RFC1: variants seen among roughly 807,000 people sequenced by gnomAD.
RFC1 encodes the protein A1 140 kDa subunit.
RFC1 carries 37 observed loss-of-function variants against 137.4 expected under a neutral mutation model. That is an observed-to-expected ratio of 0.27 (90% CI 0.21 to 0.35). The LOEUF (loss-of-function observed/expected upper bound fraction) is 0.35, where lower values mean the gene tolerates loss of function less well. Among genes scored for constraint, RFC1 ranks in the 10% least tolerant of loss-of-function variants. The pLI, the probability that RFC1 is intolerant of heterozygous loss-of-function variation, is 1.00. For synonymous variants in RFC1, 429 were observed against 455.7 expected (o/e 0.94, Z 0.75); for missense variants, 1,205 against 1,358.5 (o/e 0.89, Z 1.78).
At chr4:39,304,260 G>A (rs950033245) in intron 15 of RFC1, among the ~76,000 whole-genome samples, 7 of 152,160 alleles carry the variant, frequency 4.6e-5, no homozygotes, top group African/African-American at 1.2e-4. Flanking sequence ...GCTACAACCT[G>A]AAACACAGTG....
At chr4:39,319,071 C>A (rs1739389581) in intron 9 of RFC1, among the ~76,000 whole-genome samples, 1 of 152,000 alleles carries the variant, frequency 6.6e-6, no homozygotes, top group Admixed American at 6.5e-5. Context: ...CACTGTTGTA[C>A]AAGAATAAAA....
intron 8 of RFC1, among the ~76,000 whole-genome samples, chr4:39,321,055 G>T (rs973631484): frequency 6.6e-6 from 1 of 152,180 alleles, no homozygotes; most frequent in Non-Finnish European, 1.5e-5. Flanking sequence ...TTAACAAGAA[G>T]CCAGGAGTTT....
chr4:39,289,547 TACAA>T (rs1737552918), intron 24 of RFC1: 1 of 269,464 alleles, frequency 3.7e-6, no homozygotes, highest in East Asian at 8.4e-5. Flanking sequence ...ACTGTTTTGT[TACAA>T]ACATTTTTCT....
intron 1 of RFC1, among the ~76,000 whole-genome samples, chr4:39,363,305 C>T (rs1741849625): frequency 6.6e-6 from 1 of 152,026 alleles, no homozygotes; most frequent in Non-Finnish European, 1.5e-5. Flanking sequence ...GTTCAAATTT[C>T]GAAAGGGTAA....
chr4:39,308,434 C>A (rs988475655), intron 13 of RFC1, among the ~76,000 whole-genome samples: 1 of 152,160 alleles, frequency 6.6e-6, no homozygotes. Context: ...ATGCCTCCCC[C>A]ACTGCCTGTG....
intron 3 of RFC1, among the ~76,000 whole-genome samples, chr4:39,344,667 G>T (rs1233338741): frequency 6.6e-6 from 1 of 152,130 alleles, no homozygotes; most frequent in Non-Finnish European, 1.5e-5. Context: ...CACGCCTGTG[G>T]TTCCAGCTAC....
chr4:39,326,883 T>G (rs1431912780), intron 5 of RFC1, among the ~76,000 whole-genome samples: 1 of 152,130 alleles, frequency 6.6e-6, no homozygotes, highest in Non-Finnish European at 1.5e-5. Context: ...TCAAGAGAAG[T>G]ACCAAAAATA....
chr4:39,344,004 C>T (rs945303268), intron 3 of RFC1, among the ~76,000 whole-genome samples: 1 of 151,944 alleles, frequency 6.6e-6, no homozygotes, highest in African/African-American at 2.4e-5. Flanking sequence ...ATCCCAGCTA[C>T]CTGGGAGGCT....
chr4:39,363,254 T>C (rs1741846898), intron 1 of RFC1, among the ~76,000 whole-genome samples: 1 of 152,194 alleles, frequency 6.6e-6, no homozygotes. Context: ...ATGGCTTCTT[T>C]ATTTCTTTTA....
chr4:39,302,232 G>C (rs1019504981), intron 19 of RFC1, 46 bp downstream of exon 19: 9 of 1,160,172 alleles, frequency 7.8e-6, no homozygotes, highest in African/African-American at 1.5e-5. Context: ...AGAACAAGAA[G>C]TGTTTTGGCT....
chr4:39,296,999 G>A (rs1177965488), intron 21 of RFC1, among the ~76,000 whole-genome samples: 1 of 151,396 alleles, frequency 6.6e-6, no homozygotes, highest in African/African-American at 2.4e-5. Flanking sequence ...TTCTCTGATG[G>A]CCAGTGATGA....
At chr4:39,336,068 G>A (rs1740337807) in intron 4 of RFC1, among the ~76,000 whole-genome samples, 1 of 151,964 alleles carries the variant, frequency 6.6e-6, no homozygotes, top group Non-Finnish European at 1.5e-5. Flanking sequence ...ATTATTTACT[G>A]TGCCCTTTTC....
In RFC1 at chr4:39,320,416, A is replaced by T; in HGVS notation, c.1062T>A (p.Pro354=). 1.3e-6 allele frequency: 2 copies of T among 1,543,312 alleles called. No homozygotes were observed. Among genetic ancestry groups the T allele is most frequent in the Non-Finnish European group, 8.7e-7 (1 of 1,153,230 alleles). ...AIKLKGETKT[P]KKTKSSPAKK... is the part of the protein sequence containing the mutation. ...TAGCTGGAGAACTTTTGGTTTTCTT[A>T]GGAGTTTTTGTCTCTCCTTTCAATT... is the stretch of plus-strand genomic sequence containing the variant. The change falls in exon 9 of 25, where the codon CCT becomes CCA. Residue 354 remains proline, a synonymous_variant. Transcript: ENST00000349703.
chr4:39,303,224 G>T lies in RFC1; in HGVS notation c.2111-73C>A, dbSNP rs1056331485. ...ATTGCTCAAAAACTGCTGCTCTGTA[G>T]AAAATTATGTAACAGATATTAAACT... is the stretch of plus-strand genomic sequence containing the variant. On this transcript the variant is annotated intron_variant, in intron 15 of 24. Coordinates refer to ENST00000349703, the MANE Select transcript of RFC1 (RefSeq NM_002913.5). The T allele has an allele frequency of 7.1e-5, 64 of 896,480 alleles. No homozygotes were observed. In the Middle Eastern group the frequency reaches 1.7e-3, roughly 24 times the overall value. The allele number at this position is 896,480 out of a possible 1,614,324, so 55.5% of individuals were successfully genotyped here.
chr4:39,342,540 A>G, intron 3 of RFC1, 73 bp from the exon 4 acceptor site: 1 of 1,441,550 alleles, frequency 6.9e-7, no homozygotes, highest in Non-Finnish European at 9.5e-7. Context: ...TAAAGTAGTC[A>G]CGGTGAACCA....
intron 1 of RFC1, among the ~76,000 whole-genome samples, chr4:39,363,032 A>G (rs971792806): frequency 7.2e-5 from 11 of 152,272 alleles, no homozygotes; most frequent in African/African-American, 2.4e-4. Flanking sequence ...GCAATGAAAC[A>G]GTTCAGACCA....
At chr4:39,337,902 T>C (rs1740436484) in intron 4 of RFC1, among the ~76,000 whole-genome samples, 1 of 152,204 alleles carries the variant, frequency 6.6e-6, no homozygotes, top group South Asian at 2.1e-4. Flanking sequence ...TCAGGAGTAC[T>C]AACTGCCTCC....
intron 21 of RFC1, chr4:39,296,044 T>G: frequency 1.1e-5 from 3 of 264,346 alleles, no homozygotes; most frequent in Non-Finnish European, 7.1e-6. Context: ...AACATACCGG[T>G]TACCTCACCG....
At chr4:39,325,624 C>T (rs1457826016) in intron 6 of RFC1, among the ~76,000 whole-genome samples, 2 of 152,126 alleles carry the variant, frequency 1.3e-5, no homozygotes, top group East Asian at 1.9e-4. Flanking sequence ...CACAAGTGAT[C>T]CTCTCACCTC....
Sources: gnomAD v4.1 joint callset for allele counts (sites outside exome capture counted in the v4.1 genomes callset) on GRCh38, gnomAD v4.1.1 for gene constraint, MANE v1.5 for transcripts, NCBI Gene and HGNC (gene_info 2026-07-23, HGNC 2026-07-21) for gene names.